Variants in DCC observed in about 807,000 individuals in gnomAD.
DCC encodes netrin receptor DCC.
DCC carries 58 observed loss-of-function variants against 172.5 expected under a neutral mutation model. That is an observed-to-expected ratio of 0.34 (90% confidence interval 0.27 to 0.42). DCC has a LOEUF of 0.42. Ranked by LOEUF, DCC falls within the 10% of genes least tolerant of loss-of-function variation. The probability of loss-of-function intolerance (pLI) is 1.00; values close to 1 mark genes in which losing one functional copy is unlikely to be tolerated. For synonymous variants in DCC, 709 were observed against 644.5 expected (o/e 1.10, Z -1.52); for missense variants, 1,740 against 1,791.0 (o/e 0.97, Z 0.51).
chr18:52,429,365 T>C (rs1400938013), intron 1 of DCC, among the ~76,000 whole-genome samples: 1 of 152,132 alleles, frequency 6.6e-6, no homozygotes, highest in Non-Finnish European at 1.5e-5. Context: ...TTTCTGCTAA[T>C]AGACATTACC....
chr18:53,108,929 T>C (rs188531197), intron 7 of DCC, among the ~76,000 whole-genome samples: 2 of 151,436 alleles, frequency 1.3e-5, no homozygotes, highest in African/African-American at 4.8e-5. Flanking sequence ...GCCTTTCTGT[T>C]GGTGTACATC....
At chr18:53,479,323 G>A (rs1026335967) in intron 25 of DCC, among the ~76,000 whole-genome samples, 3 of 152,156 alleles carry the variant, frequency 2.0e-5, no homozygotes, top group South Asian at 2.1e-4. Context: ...GAAAGGAACA[G>A]TATTTTTTAT....
chr18:53,399,013 T>G (rs187385802), intron 18 of DCC, among the ~76,000 whole-genome samples: 1 of 152,156 alleles, frequency 6.6e-6, no homozygotes, highest in Non-Finnish European at 1.5e-5. Flanking sequence ...TACACCATTA[T>G]GTGTTGAAAT....
At chr18:53,426,504 G>A (rs1011247199) in intron 21 of DCC, among the ~76,000 whole-genome samples, 1 of 146,228 alleles carries the variant, frequency 6.8e-6, no homozygotes, top group Admixed American at 7.0e-5. Flanking sequence ...TCCCCCACTG[G>A]TTGGCCTGGC....
intron 9 of DCC, among the ~76,000 whole-genome samples, chr18:53,199,281 G>C (rs934397135): frequency 6.6e-6 from 1 of 151,800 alleles, no homozygotes; most frequent in Non-Finnish European, 1.5e-5. Flanking sequence ...AGTAGAGATG[G>C]AGTATCATCT....
rs1244705829 is a variant in DCC at position 53,105,312 on chromosome 18, G to T, written c.1261+39146G>T. On this transcript the variant is annotated intron_variant, in intron 7 of 28. Transcript: ENST00000442544. ...ATTCTGAAAGTGGCAGACTACTCTTGTTGGCAACTGAAAATGTACAAGGGC... is the reference window on the plus strand; with the variant it reads ...ATTCTGAAAGTGGCAGACTACTCTTTTTGGCAACTGAAAATGTACAAGGGC... Among the ~76,000 whole-genome samples, 4 of 151,884 alleles carry T rather than the reference G, an allele frequency of 2.6e-5. No homozygotes were observed. The South Asian group carries it at 6.2e-4, about 24-fold the overall frequency.
intron 13 of DCC, among the ~76,000 whole-genome samples, chr18:53,321,349 CAGCTTTTTGTAAGAGGA>C (rs1288866316): frequency 9.2e-5 from 14 of 152,096 alleles, no homozygotes; most frequent in African/African-American, 3.4e-4. Flanking sequence ...GAGCTACTTT[CAGCTTTTTGTAAGAGGA>C]AAGTCACTTA....
At chr18:52,827,109 C>T (rs921513709) in intron 2 of DCC, among the ~76,000 whole-genome samples, 6 of 152,154 alleles carry the variant, frequency 3.9e-5, no homozygotes, top group Non-Finnish European at 5.9e-5. Flanking sequence ...TGACTTTATA[C>T]GTGAATGATC....
rs147442929 is a variant in DCC, at chr18:52,697,752, A to C, written c.92-54302A>C. 2.3e-3 allele frequency among the ~76,000 whole-genome samples: 349 copies of C among 152,336 alleles called. 8 individuals are homozygous for C. In the South Asian group the frequency reaches 0.034, roughly 15 times the overall value. On this transcript the variant is annotated intron_variant, in intron 1 of 28. Coordinates refer to ENST00000442544, the MANE Select transcript of DCC (RefSeq NM_005215.4). ...AATTGTAAATGCCATACTTCTAAAC[A>C]TAAAAGTGAATATGTAATGTAATCA...
At chr18:52,783,130 T>C (rs1378052540) in intron 2 of DCC, among the ~76,000 whole-genome samples, 5 of 136,018 alleles carry the variant, frequency 3.7e-5, no homozygotes, top group Non-Finnish European at 8.1e-5. Context: ...TCTTAGACTC[T>C]ATTTATCATT....
chr18:52,616,205 T>C (rs2034379336), intron 1 of DCC, among the ~76,000 whole-genome samples: 1 of 152,168 alleles, frequency 6.6e-6, no homozygotes, highest in Non-Finnish European at 1.5e-5. Context: ...AGGATAACAC[T>C]TGGCATTTAG....
chr18:52,904,419 A>C (rs1263539659), intron 2 of DCC, among the ~76,000 whole-genome samples: 2 of 152,196 alleles, frequency 1.3e-5, no homozygotes, highest in African/African-American at 2.4e-5. Flanking sequence ...ACCTTCACTT[A>C]GGGAGGGAAA....
At chr18:52,740,527 G>A (rs937796818) in intron 1 of DCC, among the ~76,000 whole-genome samples, 3 of 152,168 alleles carry the variant, frequency 2.0e-5, no homozygotes, top group Admixed American at 6.5e-5. Context: ...CACATCAGAC[G>A]TTATGCCACA....
chr18:52,843,353 A>ATACC (rs374597979), intron 2 of DCC, among the ~76,000 whole-genome samples: 33 of 152,276 alleles, frequency 2.2e-4, no homozygotes, highest in African/African-American at 7.9e-4. Context: ...GATGACATCT[A>ATACC]TACCTACCTA....
At chr18:52,982,087 C>T (rs1598996170) in intron 5 of DCC, among the ~76,000 whole-genome samples, 1 of 152,072 alleles carries the variant, frequency 6.6e-6, no homozygotes. Context: ...ACACTGATTG[C>T]TAAGGACTTT....
At chr18:53,260,038 T>C (rs562002966) in intron 12 of DCC, among the ~76,000 whole-genome samples, 3 of 152,356 alleles carry the variant, frequency 2.0e-5, no homozygotes, top group African/African-American at 7.2e-5. Context: ...TCTCGTGCCA[T>C]GGTTTTCAGC....
At chr18:53,263,300 T>C (rs949497562) in intron 12 of DCC, among the ~76,000 whole-genome samples, 2 of 151,990 alleles carry the variant, frequency 1.3e-5, no homozygotes, top group Non-Finnish European at 2.9e-5. Context: ...TACAGGTGCC[T>C]GCCACCATGT....
intron 28 of DCC, among the ~76,000 whole-genome samples, chr18:53,527,341 C>T (rs993368231): frequency 7.3e-5 from 11 of 151,672 alleles, no homozygotes; most frequent in Middle Eastern, 3.2e-3. Context: ...GCCTCAATTT[C>T]CCAAGTAGCT....
At chr18:52,693,054 G>T (rs2035955282) in intron 1 of DCC, among the ~76,000 whole-genome samples, 1 of 152,006 alleles carries the variant, frequency 6.6e-6, no homozygotes, top group Admixed American at 6.6e-5. Flanking sequence ...TCTCTAAAAG[G>T]AGGTATTGAT....
Sources: gnomAD v4.1 joint callset for allele counts (sites outside exome capture counted in the v4.1 genomes callset) on GRCh38, gnomAD v4.1.1 for gene constraint, MANE v1.5 for transcripts, NCBI Gene and HGNC (gene_info 2026-07-23, HGNC 2026-07-21) for gene names.